Variants in TEX15 observed in about 807,000 individuals in gnomAD.
The protein encoded by TEX15 is testis expressed 15, meiosis and synapsis associated.
Under a neutral mutation model 237.3 loss-of-function variants are expected in TEX15, and 171 were observed. That is an observed-to-expected ratio of 0.72 (90% confidence interval 0.64 to 0.82). The LOEUF is 0.82. Among genes scored for constraint, TEX15 ranks in the 40% least tolerant of loss-of-function variants. The pLI is 0.00. For missense variants in TEX15, 3,750 were observed against 3,646.5 expected (o/e 1.03, Z -0.73); for synonymous variants, 1,338 against 1,269.8 (o/e 1.05, Z -1.14).
chr8:30,896,633 A>G (rs1808911186), intron 2 of TEX15, among the ~76,000 whole-genome samples: 1 of 152,190 alleles, frequency 6.6e-6, no homozygotes, highest in Admixed American at 6.5e-5. Flanking sequence ...GATTTAGACA[A>G]GCAGAACCTG....
At chr8:30,907,629 A>C (rs947080525) in intron 1 of TEX15, among the ~76,000 whole-genome samples, 77 of 144,654 alleles carry the variant, frequency 5.3e-4, no homozygotes, top group African/African-American at 1.5e-3. Flanking sequence ...TTTATATATA[A>C]ATTTTATATC....
In TEX15 at chr8:30,895,676, CTTTTTTT is replaced by C. The variant is rs34002027; in HGVS notation, c.-10+3059_-10+3065del. On this transcript the variant is annotated intron_variant, in intron 2 of 10. Coordinates refer to ENST00000643185, the MANE Select transcript of TEX15 (RefSeq NM_001350162.2). ...CATGTCAACACCTTTTAAACACATG[CTTTTTTT>C]TTTTTTTTTTTTTTTTTGAGCAGAG... 1.3e-4 allele frequency among the ~76,000 whole-genome samples: 8 copies of C among 60,056 alleles called. 1 individual carries two copies. Among genetic ancestry groups the C allele is most frequent in the South Asian group, 9.1e-4 (1 of 1,102 alleles). 39.4% of individuals were successfully genotyped at this position (60,056 alleles called of 152,430 possible).
intron 4 of TEX15, among the ~76,000 whole-genome samples, chr8:30,873,874 T>C (rs1272739220): frequency 1.3e-5 from 2 of 152,170 alleles, no homozygotes; most frequent in African/African-American, 4.8e-5. Context: ...ATAAATCCTA[T>C]ACATGTTGGT....
In TEX15 at chr8:30,833,165, A is replaced by G. The variant is rs1807218028; in HGVS notation, c.*121T>C. The G allele has an allele frequency of 1.5e-6, 1 of 665,904 alleles. No individual in the cohort carries two copies. The highest frequency in any genetic ancestry group is 3.0e-5 in the Admixed American group (1 of 32,872). The allele number at this position is 665,904 out of a possible 1,614,324, so 41.2% of individuals were successfully genotyped here. ...ATTTGTATATTTTACAAAGGACCAT[A>G]TGATTTATATTTCCTACCACATTTA... On this transcript the variant is annotated 3_prime_UTR_variant, in exon 11 of 11. Coordinates refer to ENST00000643185, the MANE Select transcript of TEX15 (RefSeq NM_001350162.2).
rs1563240694 is a variant in TEX15, at chr8:30,846,722, T to C, written c.3445A>G (p.Ser1149Gly). The C allele has an allele frequency of 4.3e-6, 7 of 1,613,548 alleles. No individual in the cohort carries two copies. The Admixed American group carries it at 1.0e-4, about 23-fold the overall frequency. ...STQNNETELT[S>G]PILLPDLQIK... Reference sequence around the variant, plus strand: ...TGTAGATCTGGAAGTAAAATTGGGCTGGTAAGTTCTGTTTCATTGTTTTGT... The same window carrying C: ...TGTAGATCTGGAAGTAAAATTGGGCCGGTAAGTTCTGTTTCATTGTTTTGT... The change falls in exon 8 of 11, where the codon AGC (serine) becomes GGC (glycine). Residue 1149 changes from serine to glycine, a missense_variant. By Grantham distance (56) the Ser-to-Gly change is moderately conservative. Coordinates refer to ENST00000643185, the MANE Select transcript of TEX15 (RefSeq NM_001350162.2).
intron 2 of TEX15, among the ~76,000 whole-genome samples, chr8:30,888,973 T>C (rs1446927536): frequency 6.6e-6 from 1 of 152,220 alleles, no homozygotes; most frequent in Non-Finnish European, 1.5e-5. Context: ...GCTCTAGAGA[T>C]ACTTGTCAAG....
At chr8:30,912,134 C>G (rs1809234439) in intron 1 of TEX15, among the ~76,000 whole-genome samples, 1 of 152,206 alleles carries the variant, frequency 6.6e-6, no homozygotes, top group Non-Finnish European at 1.5e-5. Flanking sequence ...CCGCGCCGCC[C>G]TCACCTACCG....
chr8:30,840,519 T>A (rs545403267), intron 8 of TEX15, among the ~76,000 whole-genome samples: 1 of 152,240 alleles, frequency 6.6e-6, no homozygotes, highest in South Asian at 2.1e-4. Context: ...TTGAAGTCCA[T>A]TTATGACTAT....
intron 5 of TEX15, among the ~76,000 whole-genome samples, chr8:30,864,696 T>TCTC (rs1808123788): frequency 6.7e-6 from 1 of 150,244 alleles, no homozygotes; most frequent in Admixed American, 6.6e-5. Context: ...AAGGAGTTGT[T>TCTC]CAAAACCAAA....
At chr8:30,833,836 T>C (rs1807235454) in intron 10 of TEX15, among the ~76,000 whole-genome samples, 1 of 152,192 alleles carries the variant, frequency 6.6e-6, no homozygotes, top group African/African-American at 2.4e-5. Context: ...AAGTAAATGA[T>C]TATTTCTTTT....
At position 30,874,985 on chromosome 8, in the gene TEX15, G is replaced by A; in HGVS notation, c.254C>T (p.Thr85Ile). 7.2e-7 allele frequency: 1 copy of A among 1,379,752 alleles called. No individual in the cohort carries two copies. The highest frequency in any genetic ancestry group is 9.4e-7 in the Non-Finnish European group (1 of 1,066,390). 85.5% of individuals were successfully genotyped at this position (1,379,752 alleles called of 1,614,324 possible). ...CAGTTCCTCATTGTGAACCAGTTTTGTATCCCCAAACTGCCATAACGACTG... is the reference window on the plus strand; with the variant it reads ...CAGTTCCTCATTGTGAACCAGTTTTATATCCCCAAACTGCCATAACGACTG... ...DLQSLWQFGD[T>I]KLVHNEELEK... Residue 85 changes from threonine to isoleucine, a missense_variant, in exon 4 of 11, where the codon ACA becomes ATA. Physicochemically the swap from Thr to Ile is moderately conservative, Grantham distance 89 (BLOSUM62 -1). Transcript: ENST00000643185.
chr8:30,838,432 A>T, intron 9 of TEX15, among the ~76,000 whole-genome samples: 1 of 152,050 alleles, frequency 6.6e-6, no homozygotes, highest in East Asian at 1.9e-4. Flanking sequence ...ACTTGTAAAT[A>T]GCTATAAATA....
chr8:30,862,687 C>G (rs1009428264), intron 5 of TEX15, among the ~76,000 whole-genome samples: 1 of 152,152 alleles, frequency 6.6e-6, no homozygotes, highest in Non-Finnish European at 1.5e-5. Context: ...CAATCCCAAG[C>G]TGTTTTCATG....
intron 2 of TEX15, among the ~76,000 whole-genome samples, chr8:30,892,539 TTAAGA>T (rs1317748875): frequency 6.6e-6 from 1 of 152,268 alleles, no homozygotes; most frequent in Non-Finnish European, 1.5e-5. Flanking sequence ...GTGATCGATC[TTAAGA>T]TAAGTTATAC....
Position 30,868,865 on chromosome 8 carries a change from CT to C in TEX15, c.303-1364del, listed in dbSNP as rs78255315. Reference sequence around the variant, plus strand: ...CACCAGGGATATTTTGGGCTAAATTCTTTTTTTTTTTTTTTTAACCTGGTCA... The same window carrying C: ...CACCAGGGATATTTTGGGCTAAATTCTTTTTTTTTTTTTTTAACCTGGTCA... On this transcript the variant is annotated intron_variant, in intron 4 of 10. Coordinates refer to ENST00000643185, the MANE Select transcript of TEX15 (RefSeq NM_001350162.2). Among the ~76,000 whole-genome samples, 1,112 of 134,588 alleles carry C rather than the reference CT, an allele frequency of 8.3e-3. 2 individuals are homozygous for C. Among genetic ancestry groups the C allele is most frequent in the Non-Finnish European group, 9.3e-3 (568 of 60,978 alleles). 88.3% of individuals were successfully genotyped at this position (134,588 alleles called of 152,430 possible). A position where few individuals can be genotyped will look rare whatever the true frequency, so the allele number is the denominator to read the frequency against.
rs1420578807 is a variant in TEX15 at position 30,845,162 on chromosome 8, C to T, written c.5005G>A (p.Gly1669Ser). 7 of 1,613,328 alleles carry T rather than the reference C, an allele frequency of 4.3e-6. No individual in the cohort carries two copies. Among genetic ancestry groups the T allele is most frequent in the Non-Finnish European group, 5.9e-6 (7 of 1,179,460 alleles). ...TTACAATCAGATAAAATAAGGTTAC[C>T]TTGTTGGTAGAGATCATTTAAAAAG... ...KHFLNDLYQQ[G>S]NLILSDCKRN... Residue 1669 changes from glycine to serine, a missense_variant, in exon 8 of 11, where the codon GGT becomes AGT. Gly to Ser is a moderately conservative substitution (Grantham distance 56, BLOSUM62 0). Transcript: ENST00000643185.
chr8:30,863,612 G>C (rs752352799), intron 5 of TEX15, among the ~76,000 whole-genome samples: 1 of 152,070 alleles, frequency 6.6e-6, no homozygotes, highest in Non-Finnish European at 1.5e-5. Flanking sequence ...GGGGATTAAA[G>C]AGCCAGTGCC....
In TEX15 at chr8:30,844,714, G is replaced by A; in HGVS notation, c.5453C>T (p.Ser1818Phe). 1 of 1,613,096 alleles carries A rather than the reference G, an allele frequency of 6.2e-7. No individual in the cohort carries two copies. Among genetic ancestry groups the A allele is most frequent in the Non-Finnish European group, 8.5e-7 (1 of 1,179,568 alleles). ...NIVELSSSDS[S>F]LLLKDNVKGS... ...TTTTACATTATCTTTTAAAAGCAGA[G>A]AACTATCACTGGAAGATAATTCCAC... The change falls in exon 8 of 11, where the codon TCT (serine) becomes TTT (phenylalanine). Residue 1818 changes from serine (S) to phenylalanine (F), a missense_variant. Transcript: ENST00000643185.
chr8:30,852,144 G>T (rs183315371), intron 7 of TEX15, among the ~76,000 whole-genome samples: 1 of 108,388 alleles, frequency 9.2e-6, no homozygotes, highest in Non-Finnish European at 1.7e-5. Context: ...AGTCTCTGTC[G>T]CCCAGGCTGG....
Sources: gnomAD v4.1 joint callset for allele counts (sites outside exome capture counted in the v4.1 genomes callset) on GRCh38, gnomAD v4.1.1 for gene constraint, MANE v1.5 for transcripts, NCBI Gene and HGNC (gene_info 2026-07-23, HGNC 2026-07-21) for gene names.